Variants in TTC17 observed in about 807,000 individuals in gnomAD.
TTC17 encodes the protein tetratricopeptide repeat domain 17, also known as tetratricopeptide repeat protein 17.
Under a neutral mutation model 143.8 loss-of-function variants are expected in TTC17, and 58 were observed. The observed-to-expected ratio is 0.40, with a 90% CI of 0.33 to 0.50. The LOEUF is 0.50. Ranked by LOEUF, TTC17 falls within the 20% of genes least tolerant of loss-of-function variation. The probability of loss-of-function intolerance (pLI) is 0.49; values close to 1 mark genes in which losing one functional copy is unlikely to be tolerated. For missense variants in TTC17, 1,273 were observed against 1,392.5 expected, an observed-to-expected ratio of 0.91 and a Z score of 1.37; for synonymous variants, 501 against 497.8, an observed-to-expected ratio of 1.01 and a Z score of -0.09.
chr11:43,414,839 A>G (rs1946740774), intron 16 of TTC17, 63 bp downstream of exon 16: 2 of 1,516,008 alleles, frequency 1.3e-6, no homozygotes, highest in African/African-American at 2.8e-5. Flanking sequence ...TCTGATCAAA[A>G]GAACACAGAA....
intron 6 of TTC17, chr11:43,397,073 G>T: frequency 2.1e-6 from 1 of 469,332 alleles, no homozygotes; most frequent in South Asian, 5.2e-5. Context: ...CATGATACTT[G>T]AATGGAATTA....
chr11:43,416,163 CTTTT>C (rs1370556927), intron 16 of TTC17, among the ~76,000 whole-genome samples: 2 of 151,940 alleles, frequency 1.3e-5, no homozygotes, highest in Non-Finnish European at 2.9e-5. Context: ...ATGCTGTGGT[CTTTT>C]TTTGTTTGTT....
At chr11:43,453,429 C>T (rs1054030482) in intron 21 of TTC17, among the ~76,000 whole-genome samples, 1 of 151,880 alleles carries the variant, frequency 6.6e-6, no homozygotes, top group Non-Finnish European at 1.5e-5. Context: ...AACAGCAACT[C>T]TTGATTCCAG....
intron 1 of TTC17, 117 bp from the exon 2 acceptor site, chr11:43,379,116 G>A (rs993522962): frequency 2.1e-6 from 2 of 947,546 alleles, no homozygotes; most frequent in African/African-American, 3.3e-5. Flanking sequence ...GTTTTGCTGA[G>A]GAATAACGCT....
intron 7 of TTC17, 67 bp from the exon 8 acceptor site, chr11:43,397,902 GTGTGT>G: frequency 7.4e-5 from 3 of 40,682 alleles, no homozygotes; most frequent in Middle Eastern, 0.019. Flanking sequence ...TTTTTTTTCC[GTGTGT>G]GTGTGTGTGT....
Position 43,407,357 on chromosome 11 carries a change from A to T in TTC17, c.1844A>T (p.Asn615Ile), listed in dbSNP as rs1471494549. ...AAGTATTTTTGGATTTTTCAGCCAAATGCTCCTATCTGGCTCATACTCAAT... is the reference window on the plus strand; with the variant it reads ...AAGTATTTTTGGATTTTTCAGCCAATTGCTCCTATCTGGCTCATACTCAAT... The part of the protein sequence containing the change: ...SFLFHAINKP[N>I]APIWLILNEA... Residue 615 changes from asparagine (N) to isoleucine (I), a missense_variant, in exon 15 of 24, where the codon AAT becomes ATT. Asn to Ile is a moderately radical substitution (Grantham distance 149). Transcript: ENST00000039989. 6.2e-7 allele frequency: 1 copy of T among 1,612,916 alleles called. No individual in the cohort carries two copies. Among genetic ancestry groups the T allele is most frequent in the Admixed American group, 1.7e-5 (1 of 59,914 alleles).
At chr11:43,370,375 A>G (rs2134450740) in intron 1 of TTC17, 2 of 194,976 alleles carry the variant, frequency 1.0e-5, no homozygotes, top group Middle Eastern at 2.2e-3. Flanking sequence ...TAAAAATCTG[A>G]GGGAAGAAAG....
rs771993091 is a variant in TTC17, at chr11:43,490,232, T to G, written c.3031-7T>G. 3.1e-6 allele frequency: 5 copies of G among 1,601,348 alleles called. No homozygotes were observed. In the African/African-American group the frequency reaches 6.7e-5, roughly 21 times the overall value. On this transcript the variant is annotated splice_polypyrimidine_tract_variant and splice_region_variant and intron_variant, in intron 21 of 23. Transcript: ENST00000039989. ...GGACACCAGCCTTGGCTAACATTCC[T>G]TTGCAGAACCAGACGTCCTGGGTCC...
intron 7 of TTC17, 99 bp downstream of exon 7, chr11:43,397,590 T>C: frequency 7.6e-7 from 1 of 1,313,778 alleles, no homozygotes; most frequent in Non-Finnish European, 1.0e-6. Flanking sequence ...TTTCCATTCC[T>C]TTTTTGGTCT....
chr11:43,473,224 C>T (rs1948123852), intron 21 of TTC17, among the ~76,000 whole-genome samples: 1 of 151,140 alleles, frequency 6.6e-6, no homozygotes, highest in Admixed American at 6.6e-5. Flanking sequence ...ACATTAAGCA[C>T]TACACCTCTA....
intron 21 of TTC17, among the ~76,000 whole-genome samples, chr11:43,460,412 G>C (rs1947843402): frequency 6.6e-6 from 1 of 152,084 alleles, no homozygotes; most frequent in Non-Finnish European, 1.5e-5. Flanking sequence ...CTTCTGTCCA[G>C]CCTGAAATAC....
intron 2 of TTC17, among the ~76,000 whole-genome samples, chr11:43,381,912 G>A (rs541693522): frequency 5.9e-5 from 9 of 152,294 alleles, no homozygotes; most frequent in Non-Finnish European, 1.3e-4. Context: ...TTGGGGAGGA[G>A]TTTGGCTTTG....
At chr11:43,413,008 AC>A (rs1164266614) in intron 15 of TTC17, among the ~76,000 whole-genome samples, 6 of 151,740 alleles carry the variant, frequency 4.0e-5, no homozygotes, top group Non-Finnish European at 7.4e-5. Flanking sequence ...ACACACACAC[AC>A]ACACACACAC....
chr11:43,374,598 C>T (rs957966481), intron 1 of TTC17, among the ~76,000 whole-genome samples: 10 of 151,846 alleles, frequency 6.6e-5, no homozygotes, highest in African/African-American at 2.4e-4. Flanking sequence ...AATGGGCAAA[C>T]GACACAAACA....
intron 21 of TTC17, among the ~76,000 whole-genome samples, chr11:43,477,755 T>G (rs1948211734): frequency 6.6e-6 from 1 of 151,978 alleles, no homozygotes; most frequent in Admixed American, 6.6e-5. Context: ...ATGGGAATAG[T>G]TTTTTTTCAA....
At chr11:43,397,832 G>A in intron 7 of TTC17, 142 bp from the exon 8 acceptor site, 4 of 1,196,992 alleles carry the variant, frequency 3.3e-6, no homozygotes, top group Non-Finnish European at 4.6e-6. Flanking sequence ...GTAAGAGGTA[G>A]GTGTGATCTC....
chr11:43,401,474 C>G lies in TTC17; in HGVS notation c.1248C>G (p.Asn416Lys). 6.2e-7 allele frequency: 1 copy of G among 1,612,868 alleles called. No individual in the cohort carries two copies. The highest frequency in any genetic ancestry group is 8.5e-7 in the Non-Finnish European group (1 of 1,179,632). Residue 416 changes from asparagine to lysine, a missense_variant, in exon 10 of 24, where the codon AAC becomes AAG. By Grantham distance (94) the Asn-to-Lys change is moderately conservative (BLOSUM62 0). This residue lies in a region of TTC17 where 878 missense variants were observed against 899.8 expected (regional missense o/e 0.98). Coordinates refer to ENST00000039989, the MANE Select transcript of TTC17 (RefSeq NM_018259.6). ...ATCATCAGATATGCCGACTGGTCAA[C>G]CAGCAGCATAGTTTACATTGCCAGT... The part of the protein sequence containing the change: ...LGNHQICRLV[N>K]QQHSLHCQWD...
At chr11:43,370,115 T>C (rs1269859952) in intron 1 of TTC17, 1 of 454,754 alleles carries the variant, frequency 2.2e-6, no homozygotes, top group Non-Finnish European at 4.4e-6. Flanking sequence ...CTCTCAAGAG[T>C]GGAAGCTGGG....
intron 2 of TTC17, among the ~76,000 whole-genome samples, chr11:43,386,638 G>A (rs1590336739): frequency 1.3e-5 from 2 of 152,192 alleles, no homozygotes; most frequent in South Asian, 2.1e-4. Context: ...ATAATTAAAA[G>A]TTTTTCTTCA....
Sources: allele counts gnomAD v4.1 joint callset (sites outside exome capture counted in the v4.1 genomes callset), GRCh38; gene constraint gnomAD v4.1.1; regional missense constraint gnomAD v4.1.1; transcripts MANE v1.5; gene names NCBI Gene and HGNC (gene_info 2026-07-23, HGNC 2026-07-21).